The following AKAP11 variants were observed in gnomAD, a reference collection of about 807,000 sequenced individuals.
The protein encoded by AKAP11 is A-kinase anchor protein 11.
In AKAP11, 36 loss-of-function variants were observed where a neutral mutation model predicts 146.1. The ratio of observed to expected loss-of-function variants is 0.25; its 90% CI spans 0.19 to 0.33. AKAP11 has a LOEUF of 0.33. AKAP11 is among the 10% of genes least tolerant of loss of function. The pLI is 1.00. For missense variants in AKAP11, 2,201 were observed against 2,197.0 expected (o/e 1.00, Z -0.04); for synonymous variants, 780 against 786.5 (o/e 0.99, Z 0.14).
At chr13:42,317,476 T>G in intron 11 of AKAP11, 52 bp from the exon 12 acceptor site, 1 of 1,528,654 alleles carries the variant, frequency 6.5e-7, no homozygotes, top group Non-Finnish European at 8.9e-7. Flanking sequence ...ACCAGAGTAT[T>G]GAGAGTTAAA....
chr13:42,301,751 C>T lies in AKAP11; in HGVS notation c.3005C>T (p.Ala1002Val). The T allele has an allele frequency of 5.0e-6, 8 of 1,614,132 alleles. No individual in the cohort carries two copies. The highest frequency in any genetic ancestry group is 6.8e-6 in the Non-Finnish European group (8 of 1,179,994). ...CAGTTAACTCACTGCTCACTTTCAG[C>T]TGCAAAGGATTGTGTTCCAGAATGT... ...QNQLTHCSLS[A>V]AKDCVPECKV... The change falls in exon 8 of 13, where the codon GCT (alanine) becomes GTT (valine). Residue 1002 changes from alanine to valine, a missense_variant. Coordinates refer to ENST00000025301, the MANE Select transcript of AKAP11 (RefSeq NM_016248.4).
chr13:42,279,310 TACTC>T (rs747915642), intron 1 of AKAP11, among the ~76,000 whole-genome samples: 90 of 151,974 alleles, frequency 5.9e-4, no homozygotes, highest in South Asian at 2.5e-3. Context: ...CTCACTCGCT[TACTC>T]ACTATGTCTC....
At chr13:42,271,821 G>A (rs552233196), upstream of AKAP11, among the ~76,000 whole-genome samples, 18 of 152,114 alleles carry the variant, frequency 1.2e-4, no homozygotes, top group African/African-American at 4.1e-4. Context: ...CCCGGCCAAT[G>A]GAGAGGCCCC....
chr13:42,286,237 C>T, intron 2 of AKAP11, 63 bp from the exon 3 acceptor site: 1 of 599,282 alleles, frequency 1.7e-6, no homozygotes, highest in South Asian at 3.6e-5. Context: ...ATTAATTTAG[C>T]ACAAAATGCT....
intron 4 of AKAP11, among the ~76,000 whole-genome samples, chr13:42,293,587 T>C (rs1334793769): frequency 6.6e-6 from 1 of 152,214 alleles, no homozygotes; most frequent in Non-Finnish European, 1.5e-5. Context: ...AAATAAACAG[T>C]GGCAGAACAT....
intron 9 of AKAP11, among the ~76,000 whole-genome samples, chr13:42,312,206 A>C (rs1230372885): frequency 6.6e-6 from 1 of 152,244 alleles, no homozygotes; most frequent in Non-Finnish European, 1.5e-5. Context: ...TAGAATTTTT[A>C]AATTGCATGC....
intron 1 of AKAP11, among the ~76,000 whole-genome samples, chr13:42,281,556 A>G (rs1333984054): frequency 6.6e-6 from 1 of 152,242 alleles, no homozygotes; most frequent in East Asian, 1.9e-4. Flanking sequence ...AGATAAGGAA[A>G]GACTTGGAGA....
At chr13:42,291,991 T>C (rs1363717553) in intron 3 of AKAP11, among the ~76,000 whole-genome samples, 1 of 152,244 alleles carries the variant, frequency 6.6e-6, no homozygotes, top group Admixed American at 6.5e-5. Context: ...ATCACTGTTG[T>C]GCACCTTACC....
chr13:42,317,943 A>G (rs1960900768), intron 12 of AKAP11, among the ~76,000 whole-genome samples: 1 of 152,226 alleles, frequency 6.6e-6, no homozygotes, highest in Non-Finnish European at 1.5e-5. Flanking sequence ...TGAGGATTAA[A>G]TATAATGTTA....
chr13:42,313,250 T>G, intron 10 of AKAP11, 120 bp downstream of exon 10: 1 of 678,150 alleles, frequency 1.5e-6, no homozygotes, highest in East Asian at 3.0e-5. Context: ...TTCTCCTATA[T>G]TTTGACATGA....
intron 8 of AKAP11, among the ~76,000 whole-genome samples, chr13:42,305,415 G>A (rs1594346749): frequency 6.6e-6 from 1 of 152,134 alleles, no homozygotes; most frequent in African/African-American, 2.4e-5. Context: ...CCCTAATCAG[G>A]CAGCCTTCTT....
chr13:42,276,493 G>T (rs1386280377), intron 1 of AKAP11, among the ~76,000 whole-genome samples: 1 of 152,132 alleles, frequency 6.6e-6, no homozygotes, highest in African/African-American at 2.4e-5. Context: ...CCGTCCACCT[G>T]CCTTGGCCTC....
Position 42,301,311 on chromosome 13 carries a change from C to A in AKAP11, c.2565C>A (p.Asp855Glu). ...GNQNDFKPTN[D>E]DIEMQSSSKL... ...AGAATGATTTTAAACCAACTAATGACGATATTGAAATGCAGAGTTCCTCAA... is the reference window on the plus strand; with the variant it reads ...AGAATGATTTTAAACCAACTAATGAAGATATTGAAATGCAGAGTTCCTCAA... The change falls in exon 8 of 13, where the codon GAC (aspartate) becomes GAA (glutamate). Residue 855 changes from aspartate (D) to glutamate (E), a missense_variant. By Grantham distance (45) the Asp-to-Glu change is conservative (BLOSUM62 2). This residue lies in a region of AKAP11 where 1,867 missense variants were observed against 1,833.5 expected (regional missense o/e 1.02). Transcript: ENST00000025301. 6.2e-7 allele frequency: 1 copy of A among 1,613,714 alleles called. No homozygotes were observed. Among genetic ancestry groups the A allele is most frequent in the Non-Finnish European group, 8.5e-7 (1 of 1,179,944 alleles).
At chr13:42,293,180 T>A in intron 4 of AKAP11, among the ~76,000 whole-genome samples, 1 of 152,228 alleles carries the variant, frequency 6.6e-6, no homozygotes, top group East Asian at 1.9e-4. Context: ...TATTTTGAAA[T>A]AAGCGTTCTA....
intron 7 of AKAP11, 77 bp from the exon 8 acceptor site, chr13:42,299,285 GT>G: frequency 8.0e-7 from 1 of 1,245,528 alleles, no homozygotes. Context: ...TTTAAAGTCA[GT>G]TTATTCCATG....
chr13:42,301,801 T>C lies in AKAP11; in HGVS notation c.3055T>C (p.Ser1019Pro). The C allele has an allele frequency of 6.2e-7, 1 of 1,614,124 alleles. No individual in the cohort carries two copies. The highest frequency in any genetic ancestry group is 8.5e-7 in the Non-Finnish European group (1 of 1,179,986). ...ECKVSMVHGS[S>P]LETLPSCPAV... The stretch of plus-strand genomic sequence containing the variant: ...TAAAGTTTCTATGGTTCATGGATCC[T>C]CCCTAGAGACACTGCCATCTTGTCC... The change falls in exon 8 of 13, where the codon TCC (serine) becomes CCC (proline). Residue 1019 changes from serine to proline, a missense_variant. Physicochemically the swap from Ser to Pro is moderately conservative, Grantham distance 74. Transcript: ENST00000025301.
chr13:42,285,104 C>T (rs1014179485), intron 1 of AKAP11, among the ~76,000 whole-genome samples: 19 of 152,192 alleles, frequency 1.2e-4, no homozygotes, highest in East Asian at 1.9e-4. Flanking sequence ...AAAGTTCTGA[C>T]GGTGGGGGGC....
intron 9 of AKAP11, among the ~76,000 whole-genome samples, chr13:42,310,393 C>T (rs750679420): frequency 7.2e-5 from 11 of 152,174 alleles, no homozygotes; most frequent in Non-Finnish European, 1.0e-4. Context: ...GTGAAGGGTC[C>T]TGAGAATCTG....
At chr13:42,281,930 A>G (rs928425290) in intron 1 of AKAP11, among the ~76,000 whole-genome samples, 5 of 152,026 alleles carry the variant, frequency 3.3e-5, no homozygotes, top group African/African-American at 9.7e-5. Flanking sequence ...TGGATGCACA[A>G]ATATTTACAT....
Sources: gnomAD v4.1 joint callset for allele counts (sites outside exome capture counted in the v4.1 genomes callset) on GRCh38, gnomAD v4.1.1 for gene constraint, gnomAD v4.1.1 regional missense constraint, MANE v1.5 for transcripts, NCBI Gene and HGNC (gene_info 2026-07-23, HGNC 2026-07-21) for gene names.